Variants in AOPEP observed in about 807,000 individuals in gnomAD.
AOPEP encodes the protein aminopeptidase O.
In AOPEP, 77 loss-of-function variants were observed where a neutral mutation model predicts 98.1. That is an observed-to-expected ratio of 0.78 (90% CI 0.65 to 0.95). AOPEP has a LOEUF of 0.95. Among genes scored for constraint, AOPEP ranks in the 40% least tolerant of loss-of-function variants. The pLI is 0.00. For synonymous variants in AOPEP, 346 were observed against 365.3 expected (o/e 0.95, Z 0.60); for missense variants, 1,024 against 1,024.7 (o/e 1.00, Z 0.01).
chr9:95,111,530 G>C, the AOPEP span: 9 of 1,614,018 alleles, frequency 5.6e-6, no homozygotes, highest in African/African-American at 1.2e-4. Context: ...CCACAGCAGG[G>C]CCGTGGGGGG....
intron 9 of AOPEP, among the ~76,000 whole-genome samples, chr9:94,961,447 T>C (rs1480013815): frequency 1.3e-5 from 2 of 152,248 alleles, no homozygotes; most frequent in Non-Finnish European, 2.9e-5. Flanking sequence ...ATGTCATCCT[T>C]GTCCTCTATA....
chr9:94,934,469 A>C (rs1030974110), intron 7 of AOPEP: 4 of 152,072 alleles, frequency 2.6e-5, no homozygotes, highest in African/African-American at 9.7e-5. Flanking sequence ...GGCACGAGCC[A>C]CCACACCCAG....
At chr9:94,890,152 C>T (rs907832727) in intron 5 of AOPEP, among the ~76,000 whole-genome samples, 2 of 151,848 alleles carry the variant, frequency 1.3e-5, no homozygotes, top group Admixed American at 6.6e-5. Flanking sequence ...CTCAGCCTCC[C>T]GAGTAGCTGG....
intron 13 of AOPEP, among the ~76,000 whole-genome samples, chr9:95,011,180 T>TA (rs2062472224): frequency 3.3e-5 from 5 of 151,836 alleles, no homozygotes; most frequent in Admixed American, 3.3e-4. Context: ...TGTATAGATT[T>TA]ACTTATTTTT....
the AOPEP span, among the ~76,000 whole-genome samples, chr9:95,116,798 A>C: frequency 6.6e-6 from 1 of 152,210 alleles, no homozygotes; most frequent in African/African-American, 2.4e-5. Flanking sequence ...CTGGCAAAGG[A>C]TATCAGGAGA....
Position 94,884,829 on chromosome 9 carries a change from G to T in AOPEP, c.1365-39157G>T, listed in dbSNP as rs186488218. ...GATCGAGACCATCCTGGCCAACATG[G>T]TGAAACCCGTCTCTATTAAAAATAT... On this transcript the variant is annotated intron_variant, in intron 5 of 16. Coordinates refer to ENST00000375315, the MANE Select transcript of AOPEP (RefSeq NM_001193329.3). Among the ~76,000 whole-genome samples, 20 of 149,392 alleles carry T rather than the reference G, an allele frequency of 1.3e-4. No individual in the cohort carries two copies. The East Asian group carries it at 3.9e-3, about 29-fold the overall frequency.
chr9:94,928,662 G>A (rs2054772394), intron 7 of AOPEP, 131 bp downstream of exon 7: 1 of 633,994 alleles, frequency 1.6e-6, no homozygotes, highest in Non-Finnish European at 2.8e-6. Context: ...TTGTCCCCCA[G>A]ATGTGATGGT....
At chr9:94,906,365 C>T (rs1339872586) in intron 5 of AOPEP, among the ~76,000 whole-genome samples, 1 of 151,568 alleles carries the variant, frequency 6.6e-6, no homozygotes, top group African/African-American at 2.4e-5. Context: ...ACTCAGGAGG[C>T]TGACGCGGGA....
intron 14 of AOPEP, among the ~76,000 whole-genome samples, chr9:95,064,811 T>C (rs2067707159): frequency 6.6e-6 from 1 of 152,228 alleles, no homozygotes; most frequent in Non-Finnish European, 1.5e-5. Context: ...AAAAGCATAG[T>C]TCTGTGACTC....
intron 4 of AOPEP, among the ~76,000 whole-genome samples, chr9:94,798,698 G>A (rs1023531353): frequency 6.6e-6 from 1 of 152,148 alleles, no homozygotes; most frequent in Admixed American, 6.6e-5. Flanking sequence ...TGAAAGCTTT[G>A]CAATAGAGAT....
intron 1 of AOPEP, among the ~76,000 whole-genome samples, chr9:94,731,065 A>C (rs1190067491): frequency 6.6e-6 from 1 of 152,122 alleles, no homozygotes; most frequent in Non-Finnish European, 1.5e-5. Flanking sequence ...CAGCAGCAGG[A>C]CAGCCTCAGA....
At chr9:94,998,827 C>T (rs1164472167) in intron 11 of AOPEP, among the ~76,000 whole-genome samples, 2 of 152,158 alleles carry the variant, frequency 1.3e-5, no homozygotes, top group Admixed American at 6.5e-5. Flanking sequence ...ATTATTCTCT[C>T]CATAATCTAA....
chr9:94,925,795 C>G (rs1266731731), intron 6 of AOPEP, among the ~76,000 whole-genome samples: 2 of 152,174 alleles, frequency 1.3e-5, no homozygotes, highest in Non-Finnish European at 2.9e-5. Flanking sequence ...CTCTGCCATT[C>G]GTTGGCTCTG....
intron 1 of AOPEP, among the ~76,000 whole-genome samples, chr9:94,748,413 T>C (rs766047289): frequency 2.2e-4 from 34 of 152,314 alleles, no homozygotes; most frequent in South Asian, 6.2e-4. Context: ...ATTTGGAAAA[T>C]TTTAACTATT....
intron 5 of AOPEP, among the ~76,000 whole-genome samples, chr9:94,814,893 G>A (rs1312798974): frequency 6.6e-6 from 1 of 152,180 alleles, no homozygotes; most frequent in East Asian, 1.9e-4. Context: ...GAAGGACCAG[G>A]AGTATTACAA....
chr9:94,765,439 A>AAATAATAATAATAATAATAAT (rs370305424), intron 2 of AOPEP, among the ~76,000 whole-genome samples: 50 of 123,822 alleles, frequency 4.0e-4, no homozygotes, highest in East Asian at 1.0e-3. Context: ...TTCTCTACAA[A>AAATAATAATAATAATAATAAT]AATAATAATA....
At position 95,010,994 on chromosome 9, in the gene AOPEP, T is replaced by C. The variant is rs76511620; in HGVS notation, c.2115+5378T>C. On this transcript the variant is annotated intron_variant, in intron 13 of 16. Coordinates refer to ENST00000375315, the MANE Select transcript of AOPEP (RefSeq NM_001193329.3). The stretch of plus-strand genomic sequence containing the variant: ...TCCCTTGTAAATCCCTAATAAATAA[T>C]GTATTAAAGTTTCTGTACCCAGGTC... Among the ~76,000 whole-genome samples, 1,281 of 152,304 alleles carry C rather than the reference T, an allele frequency of 8.4e-3. 19 individuals are homozygous for C. Among genetic ancestry groups the C allele is most frequent in the African/African-American group, 0.029 (1,215 of 41,558 alleles).
intron 11 of AOPEP, among the ~76,000 whole-genome samples, chr9:94,998,126 T>C (rs1589213475): frequency 6.6e-6 from 1 of 152,134 alleles, no homozygotes; most frequent in East Asian, 1.9e-4. Context: ...ACTTTTATGG[T>C]ATGGAATTAT....
At chr9:95,133,433 G>T in the AOPEP span, among the ~76,000 whole-genome samples, 1 of 152,254 alleles carries the variant, frequency 6.6e-6, no homozygotes, top group Non-Finnish European at 1.5e-5. Flanking sequence ...AAAAGCTTTT[G>T]TAAGTCAACT....
Sources: gnomAD v4.1 joint callset for allele counts (sites outside exome capture counted in the v4.1 genomes callset) on GRCh38, gnomAD v4.1.1 for gene constraint, MANE v1.5 for transcripts, NCBI Gene and HGNC (gene_info 2026-07-23, HGNC 2026-07-21) for gene names.